PCDH15: variants seen among roughly 807,000 people sequenced by gnomAD.
The protein encoded by PCDH15 is protocadherin related 15.
In PCDH15, 129 loss-of-function variants were observed where a neutral mutation model predicts 178.5. That is an observed-to-expected ratio of 0.72 (90% CI 0.63 to 0.84). The LOEUF is 0.84. Ranked by LOEUF, PCDH15 falls within the 40% of genes least tolerant of loss-of-function variation. The pLI, the probability that PCDH15 is intolerant of heterozygous loss-of-function variation, is 0.00. For synonymous variants in PCDH15, 800 were observed against 732.0 expected, an observed-to-expected ratio of 1.09 and a Z score of -1.50; for missense variants, 2,230 against 2,099.9, an observed-to-expected ratio of 1.06 and a Z score of -1.21.
intron 2 of PCDH15, among the ~76,000 whole-genome samples, chr10:55,153,391 C>T (rs1473658039): frequency 6.6e-6 from 1 of 152,102 alleles, no homozygotes; most frequent in East Asian, 1.9e-4. Context: ...GCTGCCTCTC[C>T]CAAGTGGTTC....
At chr10:54,210,165 T>C (rs80191829) in intron 10 of PCDH15, among the ~76,000 whole-genome samples, 3,609 of 152,162 alleles carry the variant, frequency 0.024, 59 homozygotes, top group Middle Eastern at 0.082. Flanking sequence ...ACATTTTTTC[T>C]AGGCATTGAA....
chr10:54,755,823 A>T (rs1947005170), intron 1 of PCDH15, among the ~76,000 whole-genome samples: 3 of 152,260 alleles, frequency 2.0e-5, no homozygotes, highest in African/African-American at 7.2e-5. Context: ...TCATTGGGTT[A>T]TTAAGGATAA....
chr10:54,184,884 ACTTT>A (rs1274905545), intron 12 of PCDH15, among the ~76,000 whole-genome samples: 1 of 151,986 alleles, frequency 6.6e-6, no homozygotes, highest in African/African-American at 2.4e-5. Flanking sequence ...TGAAATTCTC[ACTTT>A]CTTTTTTTTT....
At chr10:54,733,128 TAGACAGTAAAATA>T (rs1943630815) in intron 1 of PCDH15, among the ~76,000 whole-genome samples, 1 of 151,502 alleles carries the variant, frequency 6.6e-6, no homozygotes, top group Non-Finnish European at 1.5e-5. Context: ...TTTTGGAACC[TAGACAGTAAAATA>T]AGACAAAGAA....
intron 33 of PCDH15, among the ~76,000 whole-genome samples, chr10:53,819,459 G>A (rs1260287396): frequency 6.6e-6 from 1 of 151,926 alleles, no homozygotes; most frequent in Non-Finnish European, 1.5e-5. Context: ...TACTTTACCT[G>A]TGTGCTTTCA....
chr10:55,022,112 C>G (rs996614522), intron 2 of PCDH15, among the ~76,000 whole-genome samples: 1 of 151,794 alleles, frequency 6.6e-6, no homozygotes, highest in Non-Finnish European at 1.5e-5. Context: ...TTCAAAATAT[C>G]TATTTTACAG....
At chr10:55,223,933 T>C (rs1274556929) in intron 1 of PCDH15, among the ~76,000 whole-genome samples, 1 of 152,018 alleles carries the variant, frequency 6.6e-6, no homozygotes, top group Non-Finnish European at 1.5e-5. Context: ...TATAATAATA[T>C]AAGCAAGCAA....
At chr10:54,599,336 G>T (rs956000461) in intron 2 of PCDH15, among the ~76,000 whole-genome samples, 10 of 151,952 alleles carry the variant, frequency 6.6e-5, no homozygotes, top group African/African-American at 2.2e-4. Context: ...AAAACAGAGA[G>T]TCAAGAAATA....
In PCDH15 at chr10:54,442,823, T is replaced by C. The variant is rs532436307; in HGVS notation, c.158-63881A>G. On this transcript the variant is annotated intron_variant, in intron 3 of 37. Transcript: ENST00000644397. ...GAAAGCCCAGTGTGTTGGCTTTCAGTAGTAAAAAACCCAACTTGTGGTTAG... is the reference window on the plus strand; with the variant it reads ...GAAAGCCCAGTGTGTTGGCTTTCAGCAGTAAAAAACCCAACTTGTGGTTAG... Among the ~76,000 whole-genome samples, 11 of 151,536 alleles carry C rather than the reference T, an allele frequency of 7.3e-5. No individual in the cohort carries two copies. The East Asian group carries it at 2.0e-3, about 27-fold the overall frequency.
At chr10:55,029,396 G>A (rs866017576) in intron 2 of PCDH15, among the ~76,000 whole-genome samples, 1 of 152,018 alleles carries the variant, frequency 6.6e-6, no homozygotes, top group Non-Finnish European at 1.5e-5. Context: ...CAGATGTAGT[G>A]TGGTGCTGAC....
At chr10:54,300,322 A>G (rs1384200123) in intron 8 of PCDH15, among the ~76,000 whole-genome samples, 3 of 152,220 alleles carry the variant, frequency 2.0e-5, no homozygotes, top group Non-Finnish European at 4.4e-5. Context: ...CCATTTTGCA[A>G]TTACTCACCT....
At chr10:54,662,993 G>A (rs1233741643) in intron 2 of PCDH15, among the ~76,000 whole-genome samples, 5 of 151,996 alleles carry the variant, frequency 3.3e-5, no homozygotes, top group Admixed American at 6.6e-5. Context: ...AAGTTCAGAT[G>A]CACTTGAAGT....
At chr10:55,094,926 A>ATCC (rs1842411550) in intron 2 of PCDH15, among the ~76,000 whole-genome samples, 1 of 129,194 alleles carries the variant, frequency 7.7e-6, no homozygotes. Context: ...CTATATCCAA[A>ATCC]TTCTTTTTTT....
chr10:54,227,091 G>A (rs1215102097), intron 9 of PCDH15, among the ~76,000 whole-genome samples: 1 of 152,186 alleles, frequency 6.6e-6, no homozygotes, highest in Admixed American at 6.5e-5. Context: ...TCTGGGGTCT[G>A]TAAAATGGTG....
rs1223381308 is a variant in PCDH15, at chr10:55,130,723, GTGTA to G, written c.-80+35849_-80+35852del. On this transcript the variant is annotated intron_variant, in intron 2 of 5. Transcript: ENST00000458638. ...TGTGTGTGTGTGTGTGTGTGTGTGT[GTGTA>G]TATACATTAAGCCATAACTAGGCAC... Among the ~76,000 whole-genome samples, 72 of 150,464 alleles carry G rather than the reference GTGTA, an allele frequency of 4.8e-4. No homozygotes were observed. The South Asian group carries it at 5.7e-3, about 12-fold the overall frequency.
At chr10:55,310,823 A>G (rs1476260313) in intron 1 of PCDH15, among the ~76,000 whole-genome samples, 2 of 151,860 alleles carry the variant, frequency 1.3e-5, no homozygotes, top group Non-Finnish European at 2.9e-5. Flanking sequence ...GAGTTGAACA[A>G]TGAGAACACA....
intron 11 of PCDH15, among the ~76,000 whole-genome samples, 155 bp downstream of exon 11, chr10:54,195,528 C>T (rs2049514677): frequency 6.6e-6 from 1 of 152,050 alleles, no homozygotes; most frequent in Non-Finnish European, 1.5e-5. Flanking sequence ...TTTAAAATAT[C>T]CTTGTTTTGG....
intron 2 of PCDH15, among the ~76,000 whole-genome samples, chr10:54,950,174 A>G (rs903211965): frequency 6.6e-6 from 1 of 152,068 alleles, no homozygotes; most frequent in Non-Finnish European, 1.5e-5. Context: ...GGTTGAATTG[A>G]CTCACAGTTC....
chr10:54,868,542 C>G (rs1384824540), intron 3 of PCDH15, among the ~76,000 whole-genome samples: 1 of 152,130 alleles, frequency 6.6e-6, no homozygotes, highest in Non-Finnish European at 1.5e-5. Context: ...AGATCACATT[C>G]CACATCTTTG....
Sources: allele counts gnomAD v4.1 joint callset (sites outside exome capture counted in the v4.1 genomes callset), GRCh38; gene constraint gnomAD v4.1.1; transcripts MANE v1.5; gene names NCBI Gene and HGNC (gene_info 2026-07-23, HGNC 2026-07-21).